RERG: variants seen among roughly 807,000 people sequenced by gnomAD.
RERG encodes RAS like estrogen regulated growth inhibitor.
In RERG, 25 loss-of-function variants were observed where a neutral mutation model predicts 23.2. The observed-to-expected ratio is 1.08, with a 90% CI of 0.79 to 1.50. The LOEUF is 1.50. Among genes scored for constraint, RERG ranks in the 40% most tolerant of loss-of-function variants. The pLI, the probability that RERG is intolerant of heterozygous loss-of-function variation, is 0.00. For missense variants in RERG, 253 were observed against 250.1 expected (o/e 1.01, Z -0.08); for synonymous variants, 81 against 89.1 (o/e 0.91, Z 0.51).
At chr12:15,169,319 C>T (rs1463562399) in intron 2 of RERG, among the ~76,000 whole-genome samples, 1 of 152,126 alleles carries the variant, frequency 6.6e-6, no homozygotes, top group African/African-American at 2.4e-5. Flanking sequence ...GAGGCTGTTT[C>T]CAGAGAGATT....
At chr12:15,140,198 A>T (rs2136101241) in intron 2 of RERG, among the ~76,000 whole-genome samples, 1 of 152,242 alleles carries the variant, frequency 6.6e-6, no homozygotes, top group Admixed American at 6.5e-5. Flanking sequence ...ATGAGGATGA[A>T]ACCCTCATGA....
rs149434890 is a variant in RERG at position 15,214,037 on chromosome 12, TGC to T, written c.61+3390_61+3391del. On this transcript the variant is annotated intron_variant, in intron 2 of 4. Coordinates refer to ENST00000256953, the MANE Select transcript of RERG (RefSeq NM_032918.3). ...GTGTGTGTGTGTGTGTGTGTGTGTG[TGC>T]GCGTGTGTGGAGTTTTTACCTTATA... Among the ~76,000 whole-genome samples, 387 of 95,682 alleles carry T rather than the reference TGC, an allele frequency of 4.0e-3. 3 individuals carry two copies. Among genetic ancestry groups the T allele is most frequent in the African/African-American group, 0.018 (345 of 19,524 alleles). 62.8% of individuals were successfully genotyped at this position (95,682 alleles called of 152,430 possible). A position where few individuals can be genotyped will look rare whatever the true frequency, so the allele number is the denominator to read the frequency against.
chr12:15,217,258 A>AG, intron 2 of RERG, 171 bp downstream of exon 2: 1 of 586,134 alleles, frequency 1.7e-6, no homozygotes, highest in East Asian at 2.8e-5. Flanking sequence ...AGGATACGTA[A>AG]CAGTCGATTA....
At position 15,107,826 on chromosome 12, in the gene RERG, A is replaced by C. The variant is rs1230539566; in HGVS notation, c.*1284T>G. On this transcript the variant is annotated 3_prime_UTR_variant, in exon 5 of 5. Coordinates refer to ENST00000256953, the MANE Select transcript of RERG (RefSeq NM_032918.3). Reference sequence around the variant, plus strand: ...ATGCTTTTTATTATAGTCACATAAAATAAAGTCAGTTACATCAAGTTGTCC... The same window carrying C: ...ATGCTTTTTATTATAGTCACATAAACTAAAGTCAGTTACATCAAGTTGTCC... 3 of 152,616 alleles carry C rather than the reference A, an allele frequency of 2.0e-5. No homozygotes were observed. The highest frequency in any genetic ancestry group is 4.8e-5 in the African/African-American group (2 of 41,466). 9.5% of individuals were successfully genotyped at this position (152,616 alleles called of 1,614,324 possible).
intron 2 of RERG, among the ~76,000 whole-genome samples, chr12:15,191,555 A>G (rs1217837647): frequency 6.6e-6 from 1 of 152,072 alleles, no homozygotes; most frequent in African/African-American, 2.4e-5. Flanking sequence ...TCTTAACACA[A>G]TGTGCACTCT....
chr12:15,161,626 AT>A (rs1159805267), intron 2 of RERG, among the ~76,000 whole-genome samples: 1 of 152,196 alleles, frequency 6.6e-6, no homozygotes, highest in East Asian at 1.9e-4. Flanking sequence ...TTGATTGATT[AT>A]TTATCAAGCA....
chr12:15,153,890 C>T (rs1328131461), intron 2 of RERG, among the ~76,000 whole-genome samples: 1 of 151,860 alleles, frequency 6.6e-6, no homozygotes, highest in Non-Finnish European at 1.5e-5. Flanking sequence ...TGGAGTAAGC[C>T]CTAAGTGATT....
chr12:15,217,460 T>A lies in RERG; in HGVS notation c.30A>T (p.Ala10=). 6.2e-7 allele frequency: 1 copy of A among 1,613,732 alleles called. No individual in the cohort carries two copies. Among genetic ancestry groups the A allele is most frequent in the Non-Finnish European group, 8.5e-7 (1 of 1,179,654 alleles). Residue 10 remains alanine (A), a synonymous_variant, in exon 2 of 5, where the codon GCA becomes GCT. Transcript: ENST00000256953. MAKSAEVKL[A]IFGRAGVGKS... ...TGCCCACGCCTGCTCTCCCAAATAT[T>A]GCCAGTTTGACCTCCGCACTTTTAG... is the stretch of plus-strand genomic sequence containing the variant.
chr12:15,133,864 G>A (rs569709884), intron 2 of RERG, among the ~76,000 whole-genome samples: 25 of 151,904 alleles, frequency 1.6e-4, no homozygotes, highest in Admixed American at 6.6e-4. Flanking sequence ...ATGATGTTGA[G>A]AATCTTTCCA....
At chr12:15,111,244 C>A (rs1863607561) in intron 4 of RERG, 100 bp downstream of exon 4, 1 of 825,534 alleles carries the variant, frequency 1.2e-6, no homozygotes, top group Non-Finnish European at 2.0e-6. Context: ...TTTAGGCATG[C>A]AAAAGTTAGT....
At chr12:15,161,322 C>T (rs535955120) in intron 2 of RERG, among the ~76,000 whole-genome samples, 1 of 152,136 alleles carries the variant, frequency 6.6e-6, no homozygotes, top group South Asian at 2.1e-4. Context: ...ACATATGGAC[C>T]ATCCCAAGGA....
chr12:15,193,485 C>G (rs777376245), intron 2 of RERG, among the ~76,000 whole-genome samples: 2 of 152,110 alleles, frequency 1.3e-5, no homozygotes, highest in Admixed American at 6.6e-5. Context: ...CTAATCACTT[C>G]TCCAAAAACT....
intron 2 of RERG, among the ~76,000 whole-genome samples, chr12:15,208,171 C>T (rs1337910775): frequency 1.3e-5 from 2 of 152,136 alleles, no homozygotes; most frequent in Non-Finnish European, 2.9e-5. Context: ...GCCTGAGTTT[C>T]CACCCTGCCA....
chr12:15,209,471 A>G (rs1239637349), intron 2 of RERG, among the ~76,000 whole-genome samples: 1 of 152,188 alleles, frequency 6.6e-6, no homozygotes, highest in African/African-American at 2.4e-5. Flanking sequence ...TTTATATAAC[A>G]ATGAGAAACA....
chr12:15,145,790 C>T lies in RERG; in HGVS notation c.62-24671G>A, dbSNP rs542055969. On this transcript the variant is annotated intron_variant, in intron 2 of 4. Coordinates refer to ENST00000256953, the MANE Select transcript of RERG (RefSeq NM_032918.3). ...GCTGAATTGGCCGTAAACCCACTAA[C>T]AAAAATCTGAAGTTTTAGGCTGAAT... Among the ~76,000 whole-genome samples the T allele has an allele frequency of 4.6e-5, 7 of 152,328 alleles. No homozygotes were observed. In the South Asian group the frequency reaches 1.2e-3, roughly 27 times the overall value.
rs1347632776 is a variant in RERG, at chr12:15,108,708, T to C, written c.*402A>G. ...AGCTCAGCTTCTTCTCCTGTGTTTT[T>C]ACTGTATTTTCTGCTATCTTAGACT... On this transcript the variant is annotated 3_prime_UTR_variant, in exon 5 of 5. Coordinates refer to ENST00000256953, the MANE Select transcript of RERG (RefSeq NM_032918.3). The C allele has an allele frequency of 6.4e-6, 1 of 157,302 alleles. No individual in the cohort carries two copies. The highest frequency in any genetic ancestry group is 1.4e-5 in the Non-Finnish European group (1 of 71,746). 9.7% of individuals were successfully genotyped at this position (157,302 alleles called of 1,614,324 possible).
chr12:15,161,738 A>C (rs557112827), intron 2 of RERG, among the ~76,000 whole-genome samples: 2 of 152,214 alleles, frequency 1.3e-5, no homozygotes, highest in Admixed American at 6.5e-5. Flanking sequence ...TGGTAAAGAT[A>C]TATAACTAAG....
chr12:15,207,833 C>T (rs145860361), intron 2 of RERG, among the ~76,000 whole-genome samples: 23 of 152,198 alleles, frequency 1.5e-4, no homozygotes, highest in Admixed American at 2.0e-4. Flanking sequence ...TCATGCTCTA[C>T]GTGACACTGA....
chr12:15,184,344 T>C (rs1001317216), intron 2 of RERG, among the ~76,000 whole-genome samples: 2 of 152,182 alleles, frequency 1.3e-5, no homozygotes, highest in African/African-American at 2.4e-5. Context: ...TTCCTTTGTA[T>C]ATGAGAGCAG....
Sources: gnomAD v4.1 joint callset for allele counts (sites outside exome capture counted in the v4.1 genomes callset) on GRCh38, gnomAD v4.1.1 for gene constraint, MANE v1.5 for transcripts, NCBI Gene and HGNC (gene_info 2026-07-23, HGNC 2026-07-21) for gene names.